BRIP1: variants seen among roughly 807,000 people sequenced by gnomAD.
BRIP1 encodes Fanconi anemia group J protein.
BRIP1 carries 88 observed loss-of-function variants against 119.7 expected under a neutral mutation model. The ratio of observed to expected loss-of-function variants is 0.74; its 90% CI spans 0.62 to 0.88. BRIP1 has a LOEUF of 0.88. Ranked by LOEUF, BRIP1 falls within the 40% of genes least tolerant of loss-of-function variation. The probability of loss-of-function intolerance (pLI) is 0.00; values close to 1 mark genes in which losing one functional copy is unlikely to be tolerated. For synonymous variants in BRIP1, 443 were observed against 496.5 expected, an observed-to-expected ratio of 0.89 and a Z score of 1.43; for missense variants, 1,259 against 1,455.4, an observed-to-expected ratio of 0.87 and a Z score of 2.20.
At chr17:61,786,068 T>C (rs987377414) in intron 10 of BRIP1, among the ~76,000 whole-genome samples, 5 of 152,048 alleles carry the variant, frequency 3.3e-5, no homozygotes, top group Non-Finnish European at 5.9e-5. Context: ...GCTATAATAA[T>C]ACATACACGT....
chr17:61,720,321 G>A lies in BRIP1; in HGVS notation c.2380-4258C>T, dbSNP rs2061953041. Among the ~76,000 whole-genome samples, 1 of 152,036 alleles carries A rather than the reference G, an allele frequency of 6.6e-6. No homozygotes were observed. Among genetic ancestry groups the A allele is most frequent in the African/African-American group, 2.4e-5 (1 of 41,400 alleles). ...AGATGACAGATACGCTAATTACCCT[G>A]ATCTAATCAATAAACATCATATGTA... On this transcript the variant is annotated intron_variant, in intron 16 of 19. Coordinates refer to ENST00000259008, the MANE Select transcript of BRIP1 (RefSeq NM_032043.3). The surrounding 1 kb of genome is among the most constrained non-coding windows in gnomAD (Gnocchi z 4.3).
Position 61,857,191 on chromosome 17 carries a change from T to C in BRIP1, c.246A>G (p.Val82=), listed in dbSNP as rs864622659. The C allele has an allele frequency of 6.2e-7, 1 of 1,614,106 alleles. No individual in the cohort carries two copies. Among genetic ancestry groups the C allele is most frequent in the Non-Finnish European group, 8.5e-7 (1 of 1,179,958 alleles). The part of the protein sequence containing the change: ...ADEGVSEKAE[V]QLSCCCACHS... Reference sequence around the variant, plus strand: ...GGCATGCACAACAACATGACAATTGTACTTCAGCTTTTTCACTTACGCCCT... The same window carrying C: ...GGCATGCACAACAACATGACAATTGCACTTCAGCTTTTTCACTTACGCCCT... The change falls in exon 4 of 20, where the codon GTA becomes GTG. Residue 82 remains valine (V), a synonymous_variant. Coordinates refer to ENST00000259008, the MANE Select transcript of BRIP1 (RefSeq NM_032043.3). This position sits in a 1 kb window ranked among gnomAD's most constrained non-coding sequence, Gnocchi z 5.1.
rs2061686544 is a variant in BRIP1 at position 61,706,103 on chromosome 17, T to C, written c.2492+9848A>G. 6.6e-6 allele frequency among the ~76,000 whole-genome samples: 1 copy of C among 152,208 alleles called. No homozygotes were observed. The highest frequency in any genetic ancestry group is 6.5e-5 in the Admixed American group (1 of 15,282). On this transcript the variant is annotated intron_variant, in intron 17 of 19. Coordinates refer to ENST00000259008, the MANE Select transcript of BRIP1 (RefSeq NM_032043.3). The surrounding 1 kb of genome is among the most constrained non-coding windows in gnomAD (Gnocchi z 5.7). ...TTTTGAAACCCTGTTTTGGGGTGCA[T>C]ACACATTTATGATTCTTATGTCTTC...
At chr17:61,728,057 G>A (rs1369927865) in intron 16 of BRIP1, among the ~76,000 whole-genome samples, 1 of 151,836 alleles carries the variant, frequency 6.6e-6, no homozygotes, top group Non-Finnish European at 1.5e-5. Flanking sequence ...TCAAACTCCT[G>A]ACCTCAAGTG....
rs886439843 is a variant in BRIP1, at chr17:61,720,889, G to C, written c.2380-4826C>G. 3.9e-5 allele frequency among the ~76,000 whole-genome samples: 6 copies of C among 152,080 alleles called. No homozygotes were observed. Among genetic ancestry groups the C allele is most frequent in the Non-Finnish European group, 5.9e-5 (4 of 68,024 alleles). On this transcript the variant is annotated intron_variant, in intron 16 of 19. Coordinates refer to ENST00000259008, the MANE Select transcript of BRIP1 (RefSeq NM_032043.3). The surrounding 1 kb of genome is among the most constrained non-coding windows in gnomAD (Gnocchi z 4.3). ...GACAGAGTCTCGCTCCATTGCCCAG[G>C]CTGGAGTGCAGTGACATGATCTTGG...
At chr17:61,839,096 A>C (rs2078621133) in intron 6 of BRIP1, among the ~76,000 whole-genome samples, 2 of 152,066 alleles carry the variant, frequency 1.3e-5, no homozygotes, top group Admixed American at 6.5e-5. Flanking sequence ...TATGACACCC[A>C]AAAATCCCAT....
intron 10 of BRIP1, among the ~76,000 whole-genome samples, chr17:61,790,127 T>C (rs772696113): frequency 6.6e-6 from 1 of 152,226 alleles, no homozygotes; most frequent in Non-Finnish European, 1.5e-5. Context: ...CCCCACATAG[T>C]TGTAACCAGT....
chr17:61,791,356 G>A (rs1338205951), intron 10 of BRIP1, among the ~76,000 whole-genome samples: 3 of 151,526 alleles, frequency 2.0e-5, no homozygotes, highest in Non-Finnish European at 2.9e-5. Context: ...GGGCATGGTG[G>A]GGCATGCCTG....
rs2145760739 is a variant in BRIP1, at chr17:61,849,113, A to G, written c.507+16T>C. The G allele has an allele frequency of 6.2e-7, 1 of 1,613,444 alleles. No homozygotes were observed. The highest frequency in any genetic ancestry group is 8.5e-7 in the Non-Finnish European group (1 of 1,179,536). ...GTAACTAACTGGGTTATTTACTGCC[A>G]ATAAACTCTGTTTACCTGCTGTGTA... On this transcript the variant is annotated intron_variant, in intron 5 of 19. Coordinates refer to ENST00000259008, the MANE Select transcript of BRIP1 (RefSeq NM_032043.3).
In BRIP1 at chr17:61,841,846, T is replaced by A. The variant is rs912565513; in HGVS notation, c.627+5255A>T. Among the ~76,000 whole-genome samples, 1 of 152,088 alleles carries A rather than the reference T, an allele frequency of 6.6e-6. No individual in the cohort carries two copies. The highest frequency in any genetic ancestry group is 2.4e-5 in the African/African-American group (1 of 41,426). On this transcript the variant is annotated intron_variant, in intron 6 of 19. Transcript: ENST00000259008. This position sits in a 1 kb window ranked among gnomAD's most constrained non-coding sequence, Gnocchi z 4.1. ...GGCACGTACCACCACGCCTGGCTAA[T>A]TTTTTTAAAAATTTTGTACAGATGG... is the stretch of plus-strand genomic sequence containing the variant.
chr17:61,771,413 T>G (rs2077446018), intron 14 of BRIP1, among the ~76,000 whole-genome samples: 1 of 152,218 alleles, frequency 6.6e-6, no homozygotes. Flanking sequence ...GAATAGGCAT[T>G]TCTCTAAAGA....
chr17:61,698,881 AT>A (rs2061568390), intron 17 of BRIP1, among the ~76,000 whole-genome samples: 3 of 151,602 alleles, frequency 2.0e-5, no homozygotes, highest in Admixed American at 6.6e-5. Context: ...CACCTGGCTA[AT>A]TTTTTTGTAC....
chr17:61,847,005 C>A (rs2078743247), intron 6 of BRIP1, 96 bp downstream of exon 6: 1 of 1,497,492 alleles, frequency 6.7e-7, no homozygotes, highest in East Asian at 2.3e-5. Context: ...TGCTACTGTC[C>A]TTTGTATTAT....
rs1379716603 is a variant in BRIP1, at chr17:61,845,201, T to C, written c.627+1900A>G. On this transcript the variant is annotated intron_variant, in intron 6 of 19. Transcript: ENST00000259008. The surrounding 1 kb of genome is among the most constrained non-coding windows in gnomAD (Gnocchi z 4.2). ...TTTAACAGAAGAAGCTTCTACATAA[T>C]TTCTCCAACTATTAATATAAAGCTT... Among the ~76,000 whole-genome samples the C allele has an allele frequency of 2.0e-5, 3 of 152,188 alleles. No homozygotes were observed. The highest frequency in any genetic ancestry group is 6.5e-5 in the Admixed American group (1 of 15,272).
In BRIP1 at chr17:61,679,397, T is replaced by C. The variant is rs1019672145; in HGVS notation, c.*3899A>G. 1.3e-5 allele frequency among the ~76,000 whole-genome samples: 2 copies of C among 152,194 alleles called. No individual in the cohort carries two copies. Among genetic ancestry groups the C allele is most frequent in the Non-Finnish European group, 2.9e-5 (2 of 68,010 alleles). On this transcript the variant is annotated 3_prime_UTR_variant, in exon 20 of 20. Coordinates refer to ENST00000259008, the MANE Select transcript of BRIP1 (RefSeq NM_032043.3). The surrounding 1 kb of genome is among the most constrained non-coding windows in gnomAD (Gnocchi z 4.4). Reference sequence around the variant, plus strand: ...AGTCATGAAACATCTACTCTTTACATTGTACCTTTATTCCAAGAATAAAGC... The same window carrying C: ...AGTCATGAAACATCTACTCTTTACACTGTACCTTTATTCCAAGAATAAAGC...
At chr17:61,801,170 T>A (rs200131289) in intron 8 of BRIP1, 83 bp downstream of exon 8, 3 of 1,235,448 alleles carry the variant, frequency 2.4e-6, no homozygotes, top group Non-Finnish European at 3.5e-6. Flanking sequence ...GCAAAAAAAA[T>A]TAAAACATCT....
chr17:61,840,535 G>A (rs1487332968), intron 6 of BRIP1, among the ~76,000 whole-genome samples: 1 of 152,086 alleles, frequency 6.6e-6, no homozygotes, highest in African/African-American at 2.4e-5. Flanking sequence ...CTGGCATTTT[G>A]GGAGGCCAAG....
Position 61,860,313 on chromosome 17 carries a change from C to G in BRIP1, c.94-406G>C, listed in dbSNP as rs535738473. 7.9e-5 allele frequency among the ~76,000 whole-genome samples: 12 copies of G among 152,186 alleles called. No homozygotes were observed. Among genetic ancestry groups the G allele is most frequent in the African/African-American group, 2.9e-4 (12 of 41,438 alleles). ...ATAAAGTGAAGATGCCCAGCTCCAG[C>G]AAGTCCAGTTCTATGTGTACACCCA... On this transcript the variant is annotated intron_variant, in intron 2 of 19. Transcript: ENST00000259008. This position sits in a 1 kb window ranked among gnomAD's most constrained non-coding sequence, Gnocchi z 4.1.
intron 6 of BRIP1, among the ~76,000 whole-genome samples, chr17:61,821,267 C>T (rs1214996301): frequency 6.6e-6 from 1 of 152,180 alleles, no homozygotes; most frequent in Non-Finnish European, 1.5e-5. Context: ...TACAGAGTTA[C>T]ACCCTATGCA....
Sources: gnomAD v4.1 joint callset for allele counts (sites outside exome capture counted in the v4.1 genomes callset) on GRCh38, gnomAD v4.1.1 for gene constraint, Gnocchi (gnomAD v3.1) non-coding constraint, MANE v1.5 for transcripts, NCBI Gene and HGNC (gene_info 2026-07-23, HGNC 2026-07-21) for gene names.